PLB1: variants seen among roughly 807,000 people sequenced by gnomAD.
PLB1 encodes the protein phospholipase B1, membrane-associated.
PLB1 carries 242 observed loss-of-function variants against 227.4 expected under a neutral mutation model. The observed-to-expected ratio is 1.06, with a 90% CI of 0.96 to 1.18. The LOEUF (loss-of-function observed/expected upper bound fraction) is 1.18. PLB1 is among the 50% of genes most tolerant of loss of function. PLB1 has a pLI of 0.00. For synonymous variants in PLB1, 757 were observed against 682.2 expected, an observed-to-expected ratio of 1.11 and a Z score of -1.71; for missense variants, 1,858 against 1,816.3, an observed-to-expected ratio of 1.02 and a Z score of -0.42.
At chr2:28,604,085 C>G (rs755661963) in intron 40 of PLB1, 38 bp downstream of exon 40, 1 of 1,541,982 alleles carries the variant, frequency 6.5e-7, no homozygotes, top group East Asian at 2.2e-5. Flanking sequence ...GTCCTCTCCC[C>G]TACGTTCACT....
In PLB1 at chr2:28,601,331, C is replaced by G. The variant is rs201375560; in HGVS notation, c.2606C>G (p.Ser869Trp). The G allele has an allele frequency of 6.2e-7, 1 of 1,613,528 alleles. No homozygotes were observed. The highest frequency in any genetic ancestry group is 8.5e-7 in the Non-Finnish European group (1 of 1,179,544). Residue 869 changes from serine to tryptophan, a missense_variant and splice_region_variant, in exon 37 of 58, where the codon TCG (serine) becomes TGG (tryptophan). By Grantham distance (177) the Ser-to-Trp change is radical. Coordinates refer to ENST00000327757, the MANE Select transcript of PLB1 (RefSeq NM_153021.5). ...GATTTATGTGACTACTGCACAGATT[C>G]GGTAATTGGGGCCAGGTCCAGGCCT... The part of the protein sequence containing the change: ...GSDLCDYCTD[S>W]NLYSAANFVH...
At chr2:28,578,915 T>A (rs73922166) in intron 22 of PLB1, among the ~76,000 whole-genome samples, 4,797 of 149,030 alleles carry the variant, frequency 0.032, 145 homozygotes, top group African/African-American at 0.081. Flanking sequence ...GAAGCAAAGC[T>A]ATGTAGGCCT....
At chr2:28,508,959 C>A (rs1667929716) in intron 1 of PLB1, among the ~76,000 whole-genome samples, 1 of 152,186 alleles carries the variant, frequency 6.6e-6, no homozygotes, top group South Asian at 2.1e-4. Flanking sequence ...TCCAGGGAGA[C>A]AAGTCACCTC....
In PLB1 at chr2:28,525,252, G is replaced by A. The variant is rs367821221; in HGVS notation, c.244-15G>A. On this transcript the variant is annotated splice_polypyrimidine_tract_variant and intron_variant, in intron 4 of 57. Transcript: ENST00000327757. ...CCTCCCCTGGCTGGGTGTTAACATTGAGTATCTATTCCAGCCTCCAGACCC... is the reference window on the plus strand; with the variant it reads ...CCTCCCCTGGCTGGGTGTTAACATTAAGTATCTATTCCAGCCTCCAGACCC... 6 of 1,612,672 alleles carry A rather than the reference G, an allele frequency of 3.7e-6. No individual in the cohort carries two copies. Among genetic ancestry groups the A allele is most frequent in the Non-Finnish European group, 4.2e-6 (5 of 1,179,626 alleles).
rs1160893424 is a variant in PLB1, at chr2:28,582,051, A to G, written c.1567-17A>G. 6.2e-7 allele frequency: 1 copy of G among 1,608,670 alleles called. No individual in the cohort carries two copies. ...AGGTGACAAATGGTGTTCAAGGGAC[A>G]CTTCCTCTTCCTGCAGGTCCACTAT... On this transcript the variant is annotated splice_polypyrimidine_tract_variant and intron_variant, in intron 23 of 57. Coordinates refer to ENST00000327757, the MANE Select transcript of PLB1 (RefSeq NM_153021.5).
rs146137923 is a variant in PLB1, at chr2:28,604,040, C to T, written c.2849C>T (p.Ala950Val). ...ELARLEAFSR[A>V]YRSSMRELVG... Reference sequence around the variant, plus strand: ...GCCAGGCTGGAGGCCTTCAGCCGAGCCTACCGGGTAAGACCAAGAAGGGCA... The same window carrying T: ...GCCAGGCTGGAGGCCTTCAGCCGAGTCTACCGGGTAAGACCAAGAAGGGCA... The change falls in exon 40 of 58, where the codon GCC becomes GTC. Residue 950 changes from alanine to valine, a missense_variant. Coordinates refer to ENST00000327757, the MANE Select transcript of PLB1 (RefSeq NM_153021.5). The T allele has an allele frequency of 5.0e-6, 8 of 1,613,620 alleles. No individual in the cohort carries two copies. In the African/African-American group the frequency reaches 1.1e-4, roughly 22 times the overall value.
chr2:28,639,325 T>C (rs1446932729), intron 56 of PLB1, among the ~76,000 whole-genome samples: 2 of 137,088 alleles, frequency 1.5e-5, no homozygotes, highest in African/African-American at 5.3e-5. Flanking sequence ...GCCAAGCAAG[T>C]TGAAGACAAA....
At chr2:28,543,435 G>A (rs1672785157) in intron 14 of PLB1, among the ~76,000 whole-genome samples, 167 bp downstream of exon 14, 1 of 152,184 alleles carries the variant, frequency 6.6e-6, no homozygotes, top group African/African-American at 2.4e-5. Context: ...CTCTCTGACT[G>A]CCTGAGACTT....
At chr2:28,590,954 T>A (rs1681806175) in intron 29 of PLB1, among the ~76,000 whole-genome samples, 179 bp from the exon 30 acceptor site, 1 of 152,064 alleles carries the variant, frequency 6.6e-6, no homozygotes, top group African/African-American at 2.4e-5. Context: ...TTGTGCTGGG[T>A]TCAGGTTGCA....
rs753521998 is a variant in PLB1 at position 28,600,821 on chromosome 2, C to A, written c.2487C>A (p.Ser829Arg). 2.5e-6 allele frequency: 4 copies of A among 1,613,318 alleles called. No homozygotes were observed. In the South Asian group the frequency reaches 3.3e-5, roughly 13 times the overall value. Reference sequence around the variant, plus strand: ...CTCTCTTTCTCAGGGATCTTATGAGCCAAGTCCAAACTCTGATGCAGAAGA... The same window carrying A: ...CTCTCTTTCTCAGGGATCTTATGAGACAAGTCCAAACTCTGATGCAGAAGA... ...VPGAKAEDLM[S>R]QVQTLMQKMK... Residue 829 changes from serine to arginine, a missense_variant, in exon 36 of 58, where the codon AGC (serine) becomes AGA (arginine). Transcript: ENST00000327757.
Position 28,630,706 on chromosome 2 carries a change from C to T in PLB1, c.3897+42C>T, listed in dbSNP as rs114330944. ...TTCTCTTACTGACCCAGCTGGGGGG[C>T]CCCCTGTACTCCAAGGACTGGGAAA... On this transcript the variant is annotated intron_variant, in intron 54 of 57. Coordinates refer to ENST00000327757, the MANE Select transcript of PLB1 (RefSeq NM_153021.5). The T allele has an allele frequency of 2.3e-3, 3,439 of 1,525,134 alleles. 58 individuals are homozygous for T. In the African/African-American group the frequency reaches 0.042, roughly 19 times the overall value. 94.5% of individuals were successfully genotyped at this position (1,525,134 alleles called of 1,614,324 possible). A position where few individuals can be genotyped will look rare whatever the true frequency, so the allele number is the denominator to read the frequency against.
chr2:28,533,550 G>A (rs1671295589), intron 9 of PLB1, among the ~76,000 whole-genome samples: 1 of 152,222 alleles, frequency 6.6e-6, no homozygotes, highest in African/African-American at 2.4e-5. Context: ...ACGCACTGAA[G>A]TGTTCAAGCA....
At chr2:28,497,881 G>A (rs950650326) in intron 1 of PLB1, among the ~76,000 whole-genome samples, 4 of 151,966 alleles carry the variant, frequency 2.6e-5, no homozygotes, top group African/African-American at 9.7e-5. Flanking sequence ...GCCGTGCCTG[G>A]CTAATTTTTG....
At chr2:28,500,557 AGTTG>A (rs1666968405) in intron 1 of PLB1, among the ~76,000 whole-genome samples, 1 of 152,070 alleles carries the variant, frequency 6.6e-6, no homozygotes, top group Non-Finnish European at 1.5e-5. Flanking sequence ...TGCTATTGTC[AGTTG>A]GGTTTCCTCC....
At position 28,601,892 on chromosome 2, in the gene PLB1, T is replaced by C. The variant is rs1326143047; in HGVS notation, c.2608-7T>C. Reference sequence around the variant, plus strand: ...TCCTCCTTTTCCTCCTTCCTGTCTCTTTCTAGAATCTGTATTCTGCAGCCA... The same window carrying C: ...TCCTCCTTTTCCTCCTTCCTGTCTCCTTCTAGAATCTGTATTCTGCAGCCA... On this transcript the variant is annotated splice_polypyrimidine_tract_variant and splice_region_variant and intron_variant, in intron 37 of 57. Transcript: ENST00000327757. 3.1e-6 allele frequency: 5 copies of C among 1,597,948 alleles called. No homozygotes were observed. The highest frequency in any genetic ancestry group is 4.3e-6 in the Non-Finnish European group (5 of 1,165,550).
rs1395491323 is a variant in PLB1, at chr2:28,614,078, C to G, written c.3177C>G (p.Pro1059=). 1 of 1,613,156 alleles carries G rather than the reference C, an allele frequency of 6.2e-7. No homozygotes were observed. Among genetic ancestry groups the G allele is most frequent in the Non-Finnish European group, 8.5e-7 (1 of 1,179,174 alleles). Reference sequence around the variant, plus strand: ...CTCGGAATAGTAACTACACGTACCCCATCAAGCCAGCCATTGAGGTAACCC... The same window carrying G: ...CTCGGAATAGTAACTACACGTACCCGATCAAGCCAGCCATTGAGGTAACCC... ...RTPRNSNYTY[P]IKPAIENWGS... The change falls in exon 44 of 58, where the codon CCC becomes CCG. Residue 1059 remains proline (P), a synonymous_variant. Transcript: ENST00000327757.
chr2:28,636,019 A>ATGTGTGTGTATGTGTGTGTGTGTATGTG (rs1553467699), intron 56 of PLB1, among the ~76,000 whole-genome samples: 1 of 98,284 alleles, frequency 1.0e-5, no homozygotes, highest in Non-Finnish European at 2.3e-5. Context: ...GTATGTATGA[A>ATGTGTGTGTATGTGTGTGTGTGTATGTG]TGTGTGTGTA....
At position 28,534,903 on chromosome 2, in the gene PLB1, G is replaced by A. The variant is rs1034068788; in HGVS notation, c.555+2709G>A. ...AGAAAAAAACAGTCTCAAGAAAAGC[G>A]CCTGGAGTAGATTCTTATACCAGTC... On this transcript the variant is annotated intron_variant, in intron 9 of 57. Coordinates refer to ENST00000327757, the MANE Select transcript of PLB1 (RefSeq NM_153021.5). 4.0e-5 allele frequency among the ~76,000 whole-genome samples: 6 copies of A among 151,756 alleles called. No individual in the cohort carries two copies. In the East Asian group the frequency reaches 5.8e-4, roughly 15 times the overall value.
rs544301352 is a variant in PLB1 at position 28,588,831 on chromosome 2, CA to C, written c.1816-614del. Among the ~76,000 whole-genome samples, 27 of 152,170 alleles carry C rather than the reference CA, an allele frequency of 1.8e-4. No homozygotes were observed. The South Asian group carries it at 5.6e-3, about 32-fold the overall frequency. On this transcript the variant is annotated intron_variant, in intron 26 of 57. Coordinates refer to ENST00000327757, the MANE Select transcript of PLB1 (RefSeq NM_153021.5). ...AGGATTATTCAAAATGTCATTTAAC[CA>C]AAAACCACCCCTCACGTCTTTAATC...
Sources: allele counts gnomAD v4.1 joint callset (sites outside exome capture counted in the v4.1 genomes callset), GRCh38; gene constraint gnomAD v4.1.1; transcripts MANE v1.5; gene names NCBI Gene and HGNC (gene_info 2026-07-23, HGNC 2026-07-21).